Variants in SMPDL3B observed in about 807,000 individuals in gnomAD.
SMPDL3B encodes sphingomyelin phosphodiesterase acid like 3B.
In SMPDL3B, 31 loss-of-function variants were observed where a neutral mutation model predicts 37.9. That is an observed-to-expected ratio of 0.82 (90% CI 0.61 to 1.10). SMPDL3B has a LOEUF of 1.10. Among genes scored for constraint, SMPDL3B ranks in the 50% least tolerant of loss-of-function variants. The pLI is 0.00. For missense variants in SMPDL3B, 525 were observed against 597.8 expected (o/e 0.88, Z 1.27); for synonymous variants, 235 against 242.6 (o/e 0.97, Z 0.29).
At chr1:27,948,693 C>T (rs1266386105) in intron 2 of SMPDL3B, among the ~76,000 whole-genome samples, 1 of 152,206 alleles carries the variant, frequency 6.6e-6, no homozygotes, top group Admixed American at 6.5e-5. Flanking sequence ...GAGCTTTCCT[C>T]TCTAAATAAT....
chr1:27,946,381 A>T (rs937980916), intron 2 of SMPDL3B, among the ~76,000 whole-genome samples: 4 of 151,914 alleles, frequency 2.6e-5, no homozygotes, highest in African/African-American at 4.8e-5. Context: ...AAAAAGAAAA[A>T]AAGATACCCC....
At chr1:27,938,124 A>G (rs1382821129) in intron 1 of SMPDL3B, among the ~76,000 whole-genome samples, 1 of 152,234 alleles carries the variant, frequency 6.6e-6, no homozygotes, top group Admixed American at 6.5e-5. Flanking sequence ...AGGAGCAGTC[A>G]TGGAGCTGTA....
Position 27,954,521 on chromosome 1 carries a change from G to C in SMPDL3B, c.685G>C (p.Asp229His), listed in dbSNP as rs1186775604. ...GCTGACCGATGCATCCAAAGCTGGGGACATGGTAAGAGGCCCTGCTTCTTT... is the reference window on the plus strand; with the variant it reads ...GCTGACCGATGCATCCAAAGCTGGGCACATGGTAAGAGGCCCTGCTTCTTT... ...DVLTDASKAG[D>H]MVYIVGHVPP... The change falls in exon 5 of 8, where the codon GAC becomes CAC. Residue 229 changes from aspartate to histidine, a missense_variant. Transcript: ENST00000373894. 1.9e-6 allele frequency: 3 copies of C among 1,613,634 alleles called. No individual in the cohort carries two copies. Among genetic ancestry groups the C allele is most frequent in the Non-Finnish European group, 2.5e-6 (3 of 1,179,850 alleles).
In SMPDL3B at chr1:27,955,686, G is replaced by A. The variant is rs376637268; in HGVS notation, c.693G>A (p.Val231=). 5.6e-6 allele frequency: 9 copies of A among 1,612,932 alleles called. No individual in the cohort carries two copies. The highest frequency in any genetic ancestry group is 7.6e-6 in the Non-Finnish European group (9 of 1,179,408). Residue 231 remains valine, a splice_region_variant and synonymous_variant, in exon 6 of 8, where the codon GTG becomes GTA. Coordinates refer to ENST00000373894, the MANE Select transcript of SMPDL3B (RefSeq NM_014474.4). ...LTDASKAGDM[V]YIVGHVPPGF... is the part of the protein sequence containing the mutation. ...TTCTGGGAACCCCTCCCTTGTAGGTGTACATTGTCGGCCACGTGCCCCCGG... is the reference window on the plus strand; with the variant it reads ...TTCTGGGAACCCCTCCCTTGTAGGTATACATTGTCGGCCACGTGCCCCCGG...
At chr1:27,954,015 A>T (rs1376529576) in intron 4 of SMPDL3B, among the ~76,000 whole-genome samples, 1 of 152,264 alleles carries the variant, frequency 6.6e-6, no homozygotes, top group Non-Finnish European at 1.5e-5. Flanking sequence ...CACATAGATC[A>T]GCTCTTGGAA....
rs1162614063 is a variant in SMPDL3B, at chr1:27,945,355, A to G, written c.185A>G (p.Tyr62Cys). The G allele has an allele frequency of 2.5e-6, 4 of 1,613,968 alleles. No individual in the cohort carries two copies. The highest frequency in any genetic ancestry group is 3.4e-6 in the Non-Finnish European group (4 of 1,179,998). ...PVPDAGPWGD[Y>C]LCDSPWALIN... The stretch of plus-strand genomic sequence containing the variant: ...CCCGACGCAGGCCCCTGGGGTGACT[A>G]CCTCTGTGATTCTCCCTGGGCCCTC... The change falls in exon 2 of 8, where the codon TAC (tyrosine) becomes TGC (cysteine). Residue 62 changes from tyrosine to cysteine, a missense_variant. By Grantham distance (194) the Tyr-to-Cys change is radical. Coordinates refer to ENST00000373894, the MANE Select transcript of SMPDL3B (RefSeq NM_014474.4). The surrounding 1 kb of genome is among the most constrained non-coding windows in gnomAD (Gnocchi z 4.0).
At chr1:27,946,565 G>C (rs1308875524) in intron 2 of SMPDL3B, among the ~76,000 whole-genome samples, 1 of 152,086 alleles carries the variant, frequency 6.6e-6, no homozygotes, top group Non-Finnish European at 1.5e-5. Flanking sequence ...CAAGGAGAGA[G>C]AGTCACCTGG....
chr1:27,952,587 C>T (rs921758460), intron 3 of SMPDL3B, among the ~76,000 whole-genome samples: 3 of 152,218 alleles, frequency 2.0e-5, no homozygotes, highest in African/African-American at 7.2e-5. Flanking sequence ...CATTCACAGG[C>T]CCCTTCCTCA....
At chr1:27,956,410 C>T in intron 7 of SMPDL3B, 1 of 1,264,566 alleles carries the variant, frequency 7.9e-7, no homozygotes, top group Non-Finnish European at 1.0e-6. Context: ...CATCTTGTCT[C>T]CGTCCTGCTC....
intron 1 of SMPDL3B, among the ~76,000 whole-genome samples, chr1:27,939,703 C>T (rs2090341198): frequency 6.6e-6 from 1 of 152,144 alleles, no homozygotes; most frequent in Admixed American, 6.6e-5. Context: ...TGCCTGTAGT[C>T]CCAGCTACTT....
At chr1:27,954,967 C>T (rs991975956) in intron 5 of SMPDL3B, among the ~76,000 whole-genome samples, 18 of 152,212 alleles carry the variant, frequency 1.2e-4, no homozygotes, top group African/African-American at 4.3e-4. Context: ...CTTGCACTGA[C>T]CAGCCCATCC....
At chr1:27,950,665 C>T (rs773669379) in intron 3 of SMPDL3B, among the ~76,000 whole-genome samples, 5 of 151,986 alleles carry the variant, frequency 3.3e-5, no homozygotes, top group African/African-American at 9.7e-5. Flanking sequence ...AGTCTTGCTC[C>T]GTCGCCCAAG....
intron 2 of SMPDL3B, among the ~76,000 whole-genome samples, chr1:27,946,478 C>T (rs370691158): frequency 3.9e-5 from 6 of 152,184 alleles, no homozygotes; most frequent in Admixed American, 2.6e-4. Flanking sequence ...ATGATGGACA[C>T]CCACACTTGG....
chr1:27,958,496 G>A lies in SMPDL3B; in HGVS notation c.1026G>A (p.Met342Ile), dbSNP rs773333134. 6.2e-7 allele frequency: 1 copy of A among 1,604,530 alleles called. No individual in the cohort carries two copies. The highest frequency in any genetic ancestry group is 8.5e-7 in the Non-Finnish European group (1 of 1,172,240). Residue 342 changes from methionine to isoleucine, a missense_variant, in exon 8 of 8, where the codon ATG becomes ATA. Transcript: ENST00000373894. This position sits in a 1 kb window ranked among gnomAD's most constrained non-coding sequence, Gnocchi z 5.6. The stretch of plus-strand genomic sequence containing the variant: ...TCCAGGACATGGTGACCTACTTCAT[G>A]AACCTGAGCCAGGCGAATGCTCAGG... ...LSLKDMVTYFMNLSQANAQGT... is the reference protein window; with the variant it reads ...LSLKDMVTYFINLSQANAQGT...
intron 1 of SMPDL3B, chr1:27,942,478 T>G: frequency 2.6e-6 from 1 of 387,194 alleles, no homozygotes; most frequent in South Asian, 2.0e-5. Flanking sequence ...GTTTTGTCAC[T>G]GTATTCTTTT....
intron 1 of SMPDL3B, chr1:27,942,410 C>A (rs1414423474): frequency 8.7e-6 from 4 of 460,704 alleles, no homozygotes; most frequent in Admixed American, 2.5e-5. Context: ...GGATGCCCAG[C>A]AACTCTGCCC....
chr1:27,953,270 C>T lies in SMPDL3B; in HGVS notation c.429C>T (p.Phe143=). ...ATGATTTTCACCCCAAAAACCAGTT[C>T]CCAGCTGGAAGTAACAACATCTACA... ...GNHDFHPKNQ[F]PAGSNNIYNQ... The change falls in exon 4 of 8, where the codon TTC becomes TTT. Residue 143 remains phenylalanine, a synonymous_variant. Coordinates refer to ENST00000373894, the MANE Select transcript of SMPDL3B (RefSeq NM_014474.4). 1 of 1,613,584 alleles carries T rather than the reference C, an allele frequency of 6.2e-7. No homozygotes were observed.
chr1:27,950,813 A>G (rs2090450060), intron 3 of SMPDL3B, among the ~76,000 whole-genome samples: 2 of 152,178 alleles, frequency 1.3e-5, no homozygotes, highest in Non-Finnish European at 2.9e-5. Flanking sequence ...TATTTTTGGT[A>G]GAGATGGCAT....
At position 27,946,493 on chromosome 1, in the gene SMPDL3B, A is replaced by G. The variant is rs562657730; in HGVS notation, c.275+1048A>G. Among the ~76,000 whole-genome samples, 18 of 152,320 alleles carry G rather than the reference A, an allele frequency of 1.2e-4. No homozygotes were observed. The South Asian group carries it at 2.5e-3, about 21-fold the overall frequency. On this transcript the variant is annotated intron_variant, in intron 2 of 7. Coordinates refer to ENST00000373894, the MANE Select transcript of SMPDL3B (RefSeq NM_014474.4). ...ATGATGGACACCCACACTTGGCTCC[A>G]AGGAGCTCACGTTCTTGTGGGCAAT...
Sources: allele counts gnomAD v4.1 joint callset (sites outside exome capture counted in the v4.1 genomes callset), GRCh38; gene constraint gnomAD v4.1.1; non-coding constraint Gnocchi (gnomAD v3.1); transcripts MANE v1.5; gene names NCBI Gene and HGNC (gene_info 2026-07-23, HGNC 2026-07-21).